The following UBR1 variants were observed in gnomAD, a reference collection of about 807,000 sequenced individuals.
The protein encoded by UBR1 is ubiquitin protein ligase E3 component n-recognin 1, also known as E3 ubiquitin-protein ligase UBR1.
Under a neutral mutation model 242.1 loss-of-function variants are expected in UBR1, and 102 were observed. That is an observed-to-expected ratio of 0.42 (90% confidence interval 0.36 to 0.50). The LOEUF is 0.50. UBR1 is among the 20% of genes least tolerant of loss of function. The pLI is 0.01. For synonymous variants in UBR1, 675 were observed against 684.8 expected (o/e 0.99, Z 0.22); for missense variants, 1,772 against 2,101.8 (o/e 0.84, Z 3.07).
chr15:42,992,433 C>A (rs951964797), intron 33 of UBR1, among the ~76,000 whole-genome samples: 2 of 152,164 alleles, frequency 1.3e-5, no homozygotes, highest in Non-Finnish European at 2.9e-5. Context: ...TTTTAGAAGG[C>A]AATAAACTCA....
At position 42,967,219 on chromosome 15, in the gene UBR1, G is replaced by GTTT. The variant is rs55879443; in HGVS notation, c.4458-936_4458-934dup. ...AGGTCTGAGTGACCATGCTCAACTAGTTTTTTTTTTTTTTTTTTTTTTAAA... is the reference window on the plus strand; with the variant it reads ...AGGTCTGAGTGACCATGCTCAACTAGTTTTTTTTTTTTTTTTTTTTTTTTTAAA... On this transcript the variant is annotated intron_variant, in intron 40 of 46. Transcript: ENST00000290650. Among the ~76,000 whole-genome samples the GTTT allele has an allele frequency of 4.7e-3, 530 of 113,164 alleles. 8 individuals carry two copies. Among genetic ancestry groups the GTTT allele is most frequent in the East Asian group, 0.022 (85 of 3,816 alleles). 74.2% of individuals were successfully genotyped at this position (113,164 alleles called of 152,430 possible).
chr15:43,015,563 C>T (rs1039132935), intron 29 of UBR1, 125 bp downstream of exon 29: 2 of 1,064,084 alleles, frequency 1.9e-6, no homozygotes, highest in African/African-American at 3.1e-5. Context: ...ACTTGTTTAT[C>T]TGCTGACCTT....
intron 30 of UBR1, among the ~76,000 whole-genome samples, chr15:43,004,803 C>T (rs1382382275): frequency 7.9e-5 from 12 of 152,188 alleles, no homozygotes; most frequent in East Asian, 1.9e-4. Flanking sequence ...GCCGCCACCC[C>T]GTCTGGGAAG....
At chr15:43,001,196 T>C (rs1189685538) in intron 32 of UBR1, among the ~76,000 whole-genome samples, 3 of 151,372 alleles carry the variant, frequency 2.0e-5, no homozygotes, top group Non-Finnish European at 1.5e-5. Flanking sequence ...GCCCAGGCTG[T>C]AATGCAATGG....
chr15:42,985,244 C>G (rs751176564), intron 35 of UBR1, among the ~76,000 whole-genome samples: 4 of 152,134 alleles, frequency 2.6e-5, no homozygotes, highest in Non-Finnish European at 5.9e-5. Flanking sequence ...ATTTCAGCAT[C>G]TTTTTTATGC....
At chr15:43,030,810 T>C (rs1166860046) in intron 20 of UBR1, among the ~76,000 whole-genome samples, 1 of 152,244 alleles carries the variant, frequency 6.6e-6, no homozygotes, top group Admixed American at 6.5e-5. Context: ...ATGATATCTA[T>C]AAGAGGGTTA....
intron 29 of UBR1, among the ~76,000 whole-genome samples, chr15:43,011,417 C>T (rs1179744923): frequency 6.6e-6 from 1 of 151,986 alleles, no homozygotes; most frequent in Admixed American, 6.6e-5. Context: ...AATTTTAAGA[C>T]TTATATAAGT....
chr15:42,996,887 A>G (rs1447236615), intron 33 of UBR1, among the ~76,000 whole-genome samples: 2 of 152,162 alleles, frequency 1.3e-5, no homozygotes, highest in Non-Finnish European at 2.9e-5. Flanking sequence ...GGTTTTCATC[A>G]ATTTTAGATC....
At chr15:43,007,378 A>G in intron 29 of UBR1, 94 bp from the exon 30 acceptor site, 1 of 1,039,638 alleles carries the variant, frequency 9.6e-7, no homozygotes, top group Non-Finnish European at 1.5e-6. Flanking sequence ...CAAGAAATAT[A>G]AGAAAGATAA....
rs200289126 is a variant in UBR1 at position 43,059,662 on chromosome 15, G to A, written c.985+40C>T. On this transcript the variant is annotated intron_variant, in intron 8 of 46. Coordinates refer to ENST00000290650, the MANE Select transcript of UBR1 (RefSeq NM_174916.3). ...AAAATTTGTGGCTATAAAACACATA[G>A]TATTTTATCAGAAACAAGAAAAACA... The A allele has an allele frequency of 3.5e-5, 57 of 1,606,784 alleles. 1 individual carries two copies. The highest frequency in any genetic ancestry group is 3.3e-4 in the Middle Eastern group (2 of 5,986).
chr15:43,047,854 A>G (rs1421717116), intron 13 of UBR1, among the ~76,000 whole-genome samples: 2 of 152,236 alleles, frequency 1.3e-5, no homozygotes, highest in Non-Finnish European at 2.9e-5. Context: ...AAAAGAGATC[A>G]TGCATGAAAA....
At chr15:42,979,112 C>T (rs763437714) in intron 37 of UBR1, among the ~76,000 whole-genome samples, 3 of 151,852 alleles carry the variant, frequency 2.0e-5, no homozygotes, top group Admixed American at 6.6e-5. Context: ...CCAGGATGGT[C>T]TCGATCTCTT....
chr15:42,988,703 T>C, intron 35 of UBR1, 116 bp downstream of exon 35: 3 of 1,367,266 alleles, frequency 2.2e-6, no homozygotes, highest in South Asian at 1.2e-5. Flanking sequence ...GAAATACTAA[T>C]AGTCCTCATA....
rs2033682162 is a variant in UBR1 at position 43,061,347 on chromosome 15, A to G, written c.799-1233T>C. 1.3e-5 allele frequency among the ~76,000 whole-genome samples: 2 copies of G among 152,166 alleles called. 1 individual carries two copies. Among genetic ancestry groups the G allele is most frequent in the South Asian group, 4.1e-4 (2 of 4,826 alleles). On this transcript the variant is annotated intron_variant, in intron 6 of 46. Coordinates refer to ENST00000290650, the MANE Select transcript of UBR1 (RefSeq NM_174916.3). ...ACTGCTCCTGCAGGACCTGGGAGAC[A>G]CCCCAAATACTCAGTCCCAATACTG...
At chr15:43,102,179 G>A (rs1284366552) in intron 1 of UBR1, among the ~76,000 whole-genome samples, 1 of 152,084 alleles carries the variant, frequency 6.6e-6, no homozygotes, top group Non-Finnish European at 1.5e-5. Context: ...CTTACCTTTT[G>A]CCTCATGCCT....
In UBR1 at chr15:43,047,254, G is replaced by T; in HGVS notation, c.1575C>A (p.His525Gln). 6.2e-7 allele frequency: 1 copy of T among 1,614,138 alleles called. No homozygotes were observed. The highest frequency in any genetic ancestry group is 8.5e-7 in the Non-Finnish European group (1 of 1,180,026). ...MEEIRRQVGQ[H>Q]IEVDPDWEAA... ...CCTCCCAATCAGGATCCACTTCAAT[G>T]TGTTGCCCAACCTGTCTTCGGATTT... Residue 525 changes from histidine (H) to glutamine (Q), a missense_variant, in exon 14 of 47, where the codon CAC (histidine) becomes CAA (glutamine). His to Gln is a conservative substitution (Grantham distance 24). Around this residue, in one of 3 missense-constraint regions of UBR1, gnomAD observed 734 missense variants for 893.3 expected, o/e 0.82. Coordinates refer to ENST00000290650, the MANE Select transcript of UBR1 (RefSeq NM_174916.3).
intron 44 of UBR1, among the ~76,000 whole-genome samples, chr15:42,952,932 CT>C (rs542875793): frequency 2.8e-4 from 41 of 146,338 alleles, no homozygotes; most frequent in Middle Eastern, 3.6e-3. Context: ...CTTTTCTTTT[CT>C]TTTTTTTTTT....
chr15:43,036,538 A>C lies in UBR1; in HGVS notation c.2078T>G (p.Ile693Ser). Residue 693 changes from isoleucine (I) to serine (S), a missense_variant, in exon 18 of 47, where the codon ATC becomes AGC. Coordinates refer to ENST00000290650, the MANE Select transcript of UBR1 (RefSeq NM_174916.3). ...CREEMYDKDI[I>S]MLQIGASLMD... ...AATTTAAATAGGTACCTGAAGCATG[A>C]TGATATCTTTATCATACATTTCTTC... 6.3e-7 allele frequency: 1 copy of C among 1,596,730 alleles called. No individual in the cohort carries two copies. Among genetic ancestry groups the C allele is most frequent in the East Asian group, 2.2e-5 (1 of 44,654 alleles).
In UBR1 at chr15:43,007,144, G is replaced by C. The variant is rs1190694356; in HGVS notation, c.3350C>G (p.Ser1117Trp). The change falls in exon 30 of 47, where the codon TCG (serine) becomes TGG (tryptophan). Residue 1117 changes from serine (S) to tryptophan (W), a missense_variant. By Grantham distance (177) the Ser-to-Trp change is radical (BLOSUM62 -3). Transcript: ENST00000290650. ...GGCAGTAGATTTCTGGACACAGGCC[G>C]ATAATACCATGGCATTATTTTCTAT... ...VKIENNAMVL[S>W]ACVQKSTALT... 1 of 1,614,086 alleles carries C rather than the reference G, an allele frequency of 6.2e-7. No individual in the cohort carries two copies. Among genetic ancestry groups the C allele is most frequent in the Admixed American group, 1.7e-5 (1 of 60,006 alleles).
Sources: allele counts gnomAD v4.1 joint callset (sites outside exome capture counted in the v4.1 genomes callset), GRCh38; gene constraint gnomAD v4.1.1; regional missense constraint gnomAD v4.1.1; transcripts MANE v1.5; gene names NCBI Gene and HGNC (gene_info 2026-07-23, HGNC 2026-07-21).